The following CNTNAP2 variants were observed in gnomAD, a reference collection of about 807,000 sequenced individuals.
CNTNAP2 encodes the protein contactin associated protein 2, also known as contactin-associated protein-like 2.
A neutral mutation model predicts 155.2 loss-of-function variants in CNTNAP2; 98 were observed. The ratio of observed to expected loss-of-function variants is 0.63; its 90% CI spans 0.54 to 0.75. The LOEUF (loss-of-function observed/expected upper bound fraction) is 0.75. Ranked by LOEUF, CNTNAP2 falls within the 30% of genes least tolerant of loss-of-function variation. The probability of loss-of-function intolerance (pLI) is 0.00; values close to 1 mark genes in which losing one functional copy is unlikely to be tolerated. For synonymous variants in CNTNAP2, 651 were observed against 631.2 expected, an observed-to-expected ratio of 1.03 and a Z score of -0.47; for missense variants, 1,727 against 1,688.1, an observed-to-expected ratio of 1.02 and a Z score of -0.40.
chr7:146,628,479 G>A (rs1484702163), intron 1 of CNTNAP2, among the ~76,000 whole-genome samples: 2 of 152,076 alleles, frequency 1.3e-5, no homozygotes, highest in African/African-American at 4.8e-5. Context: ...AATGCTGAGA[G>A]TGGATGTAAA....
chr7:146,758,756 G>A (rs189859167), intron 1 of CNTNAP2, among the ~76,000 whole-genome samples: 7 of 152,282 alleles, frequency 4.6e-5, no homozygotes, highest in Admixed American at 4.6e-4. Flanking sequence ...AATTGTGAGA[G>A]TTAAAATTCA....
At chr7:148,312,816 G>T (rs1490068487) in intron 21 of CNTNAP2, among the ~76,000 whole-genome samples, 1 of 151,868 alleles carries the variant, frequency 6.6e-6, no homozygotes, top group African/African-American at 2.4e-5. Context: ...GGGGGTAAGG[G>T]TGATTAGGTT....
chr7:146,419,699 T>C (rs1340554115), intron 1 of CNTNAP2, among the ~76,000 whole-genome samples: 1 of 152,004 alleles, frequency 6.6e-6, no homozygotes, highest in Non-Finnish European at 1.5e-5. Flanking sequence ...AAAATGCAAA[T>C]CAAAATTAAA....
At chr7:147,859,284 T>C (rs1584995084) in intron 13 of CNTNAP2, among the ~76,000 whole-genome samples, 1 of 152,224 alleles carries the variant, frequency 6.6e-6, no homozygotes, top group Admixed American at 6.5e-5. Flanking sequence ...CAAGTTCTAG[T>C]CATCTGTTAT....
chr7:146,671,709 A>T (rs560229879), intron 1 of CNTNAP2, among the ~76,000 whole-genome samples: 2 of 152,316 alleles, frequency 1.3e-5, no homozygotes, highest in South Asian at 4.1e-4. Flanking sequence ...AAAAATAAAG[A>T]TAATGATAAT....
intron 18 of CNTNAP2, among the ~76,000 whole-genome samples, chr7:148,216,226 C>T (rs1026394359): frequency 3.3e-5 from 5 of 152,140 alleles, no homozygotes; most frequent in Non-Finnish European, 7.3e-5. Context: ...ACTGCTCAGG[C>T]TCTAGGAAAA....
rs1373004976 is a variant in CNTNAP2 at position 146,351,496 on chromosome 7, T to G, written c.97+234523T>G. Among the ~76,000 whole-genome samples the G allele has an allele frequency of 3.9e-5, 6 of 152,338 alleles. No homozygotes were observed. The East Asian group carries it at 9.6e-4, about 24-fold the overall frequency. On this transcript the variant is annotated intron_variant, in intron 1 of 23. Coordinates refer to ENST00000361727, the MANE Select transcript of CNTNAP2 (RefSeq NM_014141.6). ...TTATATTAAATTGACATTGATTAAA[T>G]GATGCCTACTTATTCCTTAGAAGTC...
chr7:148,218,015 C>T (rs1795677234), intron 19 of CNTNAP2, among the ~76,000 whole-genome samples: 1 of 152,204 alleles, frequency 6.6e-6, no homozygotes, highest in Non-Finnish European at 1.5e-5. Context: ...GTCCCAGCTA[C>T]TCAGGAGGCC....
chr7:148,177,377 C>T (rs1403538621), intron 18 of CNTNAP2, among the ~76,000 whole-genome samples: 1 of 152,156 alleles, frequency 6.6e-6, no homozygotes, highest in African/African-American at 2.4e-5. Context: ...AGTTACACTG[C>T]CCCAAGCCAA....
chr7:146,865,099 A>G (rs1411664738), intron 3 of CNTNAP2, among the ~76,000 whole-genome samples: 1 of 151,936 alleles, frequency 6.6e-6, no homozygotes, highest in Non-Finnish European at 1.5e-5. Context: ...TGTAATTTGT[A>G]AAAGGAATAC....
intron 15 of CNTNAP2, among the ~76,000 whole-genome samples, chr7:148,103,605 G>C (rs1182997366): frequency 6.6e-6 from 1 of 151,532 alleles, no homozygotes; most frequent in Non-Finnish European, 1.5e-5. Flanking sequence ...ATGATTACGA[G>C]CAAAGCACAG....
In CNTNAP2 at chr7:146,566,721, T is replaced by A. The variant is rs139903801; in HGVS notation, c.98-207550T>A. Among the ~76,000 whole-genome samples, 1,303 of 151,446 alleles carry A rather than the reference T, an allele frequency of 8.6e-3. 20 individuals are homozygous for A. The highest frequency in any genetic ancestry group is 0.027 in the African/African-American group (1,102 of 41,242). Reference sequence around the variant, plus strand: ...CAAAAATAAAAATAAAAATAAAAATTAAAATTAAAATTAAAAAAAAGGAAA... The same window carrying A: ...CAAAAATAAAAATAAAAATAAAAATAAAAATTAAAATTAAAAAAAAGGAAA... On this transcript the variant is annotated intron_variant, in intron 1 of 23. Coordinates refer to ENST00000361727, the MANE Select transcript of CNTNAP2 (RefSeq NM_014141.6).
At chr7:146,266,883 T>G (rs759253814) in intron 1 of CNTNAP2, among the ~76,000 whole-genome samples, 1 of 141,302 alleles carries the variant, frequency 7.1e-6, no homozygotes, top group Non-Finnish European at 1.5e-5. Context: ...TTCACATTGC[T>G]GAATTTTTTT....
chr7:147,032,817 G>C (rs1262313634), intron 3 of CNTNAP2, among the ~76,000 whole-genome samples: 1 of 151,940 alleles, frequency 6.6e-6, no homozygotes. Context: ...ACTTAGACTG[G>C]AGATAAATAA....
intron 13 of CNTNAP2, among the ~76,000 whole-genome samples, chr7:147,785,485 T>C (rs1563088416): frequency 2.0e-5 from 3 of 151,926 alleles, no homozygotes; most frequent in African/African-American, 7.3e-5. Context: ...ACAAAGTAGG[T>C]TGAAGAGGGA....
chr7:146,806,277 G>A (rs903505956), intron 2 of CNTNAP2, among the ~76,000 whole-genome samples: 5 of 151,824 alleles, frequency 3.3e-5, no homozygotes, highest in African/African-American at 1.2e-4. Flanking sequence ...GGATCACCAA[G>A]GTCAGGAGTT....
chr7:146,146,293 TA>T (rs1797957481), intron 1 of CNTNAP2, among the ~76,000 whole-genome samples: 1 of 152,180 alleles, frequency 6.6e-6, no homozygotes, highest in African/African-American at 2.4e-5. Context: ...AGACATTCAG[TA>T]ACCATTCATT....
Position 147,383,242 on chromosome 7 carries a change from T to C in CNTNAP2, c.1499-12367T>C, listed in dbSNP as rs527960775. ...TCAATACATTTTTCTTCATAAAAAT[T>C]AATGCATTCATTCAAGTGATCATTC... On this transcript the variant is annotated intron_variant, in intron 9 of 23. Transcript: ENST00000361727. Among the ~76,000 whole-genome samples the C allele has an allele frequency of 2.6e-4, 39 of 152,284 alleles. No homozygotes were observed. In the South Asian group the frequency reaches 7.5e-3, roughly 29 times the overall value.
At chr7:146,480,132 C>G (rs550768165) in intron 1 of CNTNAP2, among the ~76,000 whole-genome samples, 2 of 152,028 alleles carry the variant, frequency 1.3e-5, no homozygotes, top group African/African-American at 4.8e-5. Context: ...GATAACACAC[C>G]GACAGCAAAT....
Sources: allele counts gnomAD v4.1 joint callset (sites outside exome capture counted in the v4.1 genomes callset), GRCh38; gene constraint gnomAD v4.1.1; transcripts MANE v1.5; gene names NCBI Gene and HGNC (gene_info 2026-07-23, HGNC 2026-07-21).